The following XYLT1 variants were observed in gnomAD, a reference collection of about 807,000 sequenced individuals.
XYLT1 encodes the protein beta-D-xylosyltransferase 1.
In XYLT1, 36 loss-of-function variants were observed where a neutral mutation model predicts 91.3. The ratio of observed to expected loss-of-function variants is 0.39; its 90% confidence interval spans 0.30 to 0.52. The LOEUF (loss-of-function observed/expected upper bound fraction) is 0.52. Ranked by LOEUF, XYLT1 falls within the 20% of genes least tolerant of loss-of-function variation. XYLT1 has a pLI of 0.68. For synonymous variants in XYLT1, 588 were observed against 532.0 expected, an observed-to-expected ratio of 1.11 and a Z score of -1.45; for missense variants, 1,242 against 1,284.5, an observed-to-expected ratio of 0.97 and a Z score of 0.51.
intron 1 of XYLT1, among the ~76,000 whole-genome samples, chr16:17,461,613 T>C (rs1244378936): frequency 6.6e-6 from 1 of 152,070 alleles, no homozygotes. Context: ...GATAGATGGA[T>C]GGATGGATGC....
chr16:17,330,630 TA>T (rs58404938), intron 2 of XYLT1, among the ~76,000 whole-genome samples: 3,258 of 136,394 alleles, frequency 0.024, 90 homozygotes, highest in African/African-American at 0.074. Flanking sequence ...CTACTAAAAA[TA>T]AAAAAAAAAA....
chr16:17,426,676 C>G (rs1396826726), intron 1 of XYLT1, among the ~76,000 whole-genome samples: 1 of 152,196 alleles, frequency 6.6e-6, no homozygotes, highest in Non-Finnish European at 1.5e-5. Flanking sequence ...CATAGACACG[C>G]CCACTAAGTT....
chr16:17,118,855 A>C (rs573640790), intron 10 of XYLT1, among the ~76,000 whole-genome samples: 1 of 152,186 alleles, frequency 6.6e-6, no homozygotes, highest in South Asian at 2.1e-4. Context: ...CAATCAAGGC[A>C]GGCTCATTCC....
intron 1 of XYLT1, among the ~76,000 whole-genome samples, chr16:17,418,707 C>G (rs1402621247): frequency 6.6e-6 from 1 of 151,974 alleles, no homozygotes; most frequent in Admixed American, 6.6e-5. Flanking sequence ...AATAAGCCAT[C>G]CATGGTGGTG....
chr16:17,344,318 TA>T lies in XYLT1; in HGVS notation c.402+13693del, dbSNP rs1462326824. Among the ~76,000 whole-genome samples, 195 of 126,868 alleles carry T rather than the reference TA, an allele frequency of 1.5e-3. 1 individual carries two copies. Among genetic ancestry groups the T allele is most frequent in the East Asian group, 0.011 (47 of 4,342 alleles). The allele number at this position is 126,868 out of a possible 152,430, so 83.2% of individuals were successfully genotyped here. A position where few individuals can be genotyped will look rare whatever the true frequency, so the allele number is the denominator to read the frequency against. On this transcript the variant is annotated intron_variant, in intron 2 of 11. Coordinates refer to ENST00000261381, the MANE Select transcript of XYLT1 (RefSeq NM_022166.4). Reference sequence around the variant, plus strand: ...TAACACGGTGAAACCCCGTCTCTACTAAAAAATACAAAAAAAAAAAAAAAAT... The same window carrying T: ...TAACACGGTGAAACCCCGTCTCTACTAAAAATACAAAAAAAAAAAAAAAAT...
intron 9 of XYLT1, among the ~76,000 whole-genome samples, chr16:17,133,621 G>A (rs1267247705): frequency 6.6e-6 from 1 of 152,166 alleles, no homozygotes; most frequent in Non-Finnish European, 1.5e-5. Flanking sequence ...AAGAAAACAG[G>A]ATACCCAATT....
chr16:17,162,365 G>GCTCCA (rs2031575200), intron 5 of XYLT1, among the ~76,000 whole-genome samples: 1 of 146,960 alleles, frequency 6.8e-6, no homozygotes, highest in African/African-American at 2.5e-5. Flanking sequence ...AACACAGATC[G>GCTCCA]CTCCACTCCA....
intron 2 of XYLT1, among the ~76,000 whole-genome samples, chr16:17,262,697 C>T (rs1047222403): frequency 2.6e-5 from 4 of 152,098 alleles, no homozygotes; most frequent in African/African-American, 7.2e-5. Context: ...CCCTGGATAC[C>T]ACAATATCCA....
intron 11 of XYLT1, among the ~76,000 whole-genome samples, chr16:17,112,095 C>T (rs764133265): frequency 5.9e-5 from 9 of 152,252 alleles, no homozygotes; most frequent in African/African-American, 9.6e-5. Flanking sequence ...AACCTGCGAA[C>T]GCTGGGAGCC....
At chr16:17,429,982 G>A (rs190076336) in intron 1 of XYLT1, among the ~76,000 whole-genome samples, 46 of 149,388 alleles carry the variant, frequency 3.1e-4, no homozygotes, top group Non-Finnish European at 5.3e-4. Flanking sequence ...GGTCGCCCAG[G>A]CTGGAGTGCA....
At chr16:17,265,432 C>T (rs757270976) in intron 2 of XYLT1, among the ~76,000 whole-genome samples, 4 of 152,156 alleles carry the variant, frequency 2.6e-5, no homozygotes, top group Non-Finnish European at 4.4e-5. Context: ...AACTCTCTCA[C>T]CTTGAGTTAT....
At chr16:17,197,556 A>G (rs2032454563) in intron 5 of XYLT1, among the ~76,000 whole-genome samples, 1 of 152,106 alleles carries the variant, frequency 6.6e-6, no homozygotes. Context: ...CATTTGAGTC[A>G]GTGGACTGGG....
intron 1 of XYLT1, among the ~76,000 whole-genome samples, chr16:17,424,639 G>A (rs1245182728): frequency 6.6e-6 from 1 of 152,108 alleles, no homozygotes; most frequent in African/African-American, 2.4e-5. Flanking sequence ...GGAGGCCGAG[G>A]CAGGCGGATC....
chr16:17,272,778 C>T (rs2033916256), intron 2 of XYLT1, among the ~76,000 whole-genome samples: 1 of 152,178 alleles, frequency 6.6e-6, no homozygotes, highest in African/African-American at 2.4e-5. Context: ...CATGTCTGCA[C>T]GCGGTGACAC....
Position 17,127,690 on chromosome 16 carries a change from G to A in XYLT1, c.2199C>T (p.Asp733=), listed in dbSNP as rs2030308933. 1 of 1,614,108 alleles carries A rather than the reference G, an allele frequency of 6.2e-7. No homozygotes were observed. The highest frequency in any genetic ancestry group is 8.5e-7 in the Non-Finnish European group (1 of 1,180,018). Residue 733 remains aspartate (D), a synonymous_variant, in exon 10 of 12, where the codon GAC becomes GAT. Transcript: ENST00000261381. ...KVFKIASPPS[D]FGRLQFSEVG... is the part of the protein sequence containing the mutation. Reference sequence around the variant, plus strand: ...CCTCGGAAAACTGAAGCCTCCCAAAGTCACTGGGTGGGCTTGCGATCTTGA... The same window carrying A: ...CCTCGGAAAACTGAAGCCTCCCAAAATCACTGGGTGGGCTTGCGATCTTGA...
At chr16:17,305,141 C>T (rs1381815543) in intron 2 of XYLT1, among the ~76,000 whole-genome samples, 3 of 152,166 alleles carry the variant, frequency 2.0e-5, no homozygotes, top group Admixed American at 6.5e-5. Context: ...CAGCAAAGTG[C>T]TGACTGCAAA....
At chr16:17,331,588 T>C (rs181762683) in intron 2 of XYLT1, among the ~76,000 whole-genome samples, 2 of 152,156 alleles carry the variant, frequency 1.3e-5, no homozygotes, top group African/African-American at 4.8e-5. Flanking sequence ...ACCACCCTTT[T>C]TGAGAGGATA....
chr16:17,140,853 T>G (rs1211186715), intron 7 of XYLT1, among the ~76,000 whole-genome samples: 1 of 152,204 alleles, frequency 6.6e-6, no homozygotes, highest in Non-Finnish European at 1.5e-5. Flanking sequence ...ACAAAATCTG[T>G]GTATCATGTG....
chr16:17,257,916 G>T (rs916843454), intron 3 of XYLT1, among the ~76,000 whole-genome samples: 4 of 152,206 alleles, frequency 2.6e-5, no homozygotes, highest in African/African-American at 9.7e-5. Context: ...AAGGGCACTA[G>T]AGAAGGTGAA....
Sources: allele counts gnomAD v4.1 joint callset (sites outside exome capture counted in the v4.1 genomes callset), GRCh38; gene constraint gnomAD v4.1.1; transcripts MANE v1.5; gene names NCBI Gene and HGNC (gene_info 2026-07-23, HGNC 2026-07-21).